The following RBM20 variants were observed in gnomAD, a reference collection of about 807,000 sequenced individuals.
The protein encoded by RBM20 is RNA-binding protein 20.
RBM20 carries 51 observed loss-of-function variants against 110.1 expected under a neutral mutation model. The observed-to-expected ratio is 0.46, with a 90% CI of 0.37 to 0.59. The LOEUF is 0.59. Ranked by LOEUF, RBM20 falls within the 20% of genes least tolerant of loss-of-function variation. RBM20 has a pLI of 0.00. For missense variants in RBM20, 1,512 were observed against 1,574.9 expected (o/e 0.96, Z 0.68); for synonymous variants, 589 against 618.2 (o/e 0.95, Z 0.70).
At chr10:110,830,989 G>A in intron 12 of RBM20, 72 bp from the exon 13 acceptor site, 1 of 1,442,098 alleles carries the variant, frequency 6.9e-7, no homozygotes, top group Non-Finnish European at 9.3e-7. Context: ...TCTACCTGAT[G>A]GCTGCCAGGA....
intron 5 of RBM20, among the ~76,000 whole-genome samples, chr10:110,786,318 C>T (rs1299395080): frequency 6.6e-6 from 1 of 152,248 alleles, no homozygotes; most frequent in Non-Finnish European, 1.5e-5. Context: ...AACACAAGCT[C>T]ACAAGAGCAT....
At chr10:110,831,290 C>G in intron 13 of RBM20, 108 bp downstream of exon 13, 1 of 1,176,398 alleles carries the variant, frequency 8.5e-7, no homozygotes, top group Non-Finnish European at 1.2e-6. Context: ...CTAGCTCCTA[C>G]CTGCAAGGCC....
At chr10:110,648,998 G>A (rs1026185680) in intron 1 of RBM20, among the ~76,000 whole-genome samples, 13 of 152,052 alleles carry the variant, frequency 8.5e-5, no homozygotes, top group African/African-American at 2.7e-4. Flanking sequence ...AGAAGAAGAA[G>A]AAGAATTTGA....
At position 110,821,881 on chromosome 10, in the gene RBM20, C is replaced by G. The variant is rs969716149; in HGVS notation, c.3262C>G (p.Pro1088Ala). 32 of 1,551,590 alleles carry G rather than the reference C, an allele frequency of 2.1e-5. No individual in the cohort carries two copies. The highest frequency in any genetic ancestry group is 1.7e-4 in the Middle Eastern group (1 of 6,014). ...CAGCCCCCTGGAGGAGAAAGCCAGC[C>G]CCCCCATCGAAACTGACCTCCAAAA... ...EGSPLEEKAS[P>A]PIETDLQNQA... Residue 1088 changes from proline (P) to alanine (A), a missense_variant, in exon 11 of 14, where the codon CCC becomes GCC. Transcript: ENST00000369519.
intron 1 of RBM20, among the ~76,000 whole-genome samples, chr10:110,721,951 C>T (rs1273774622): frequency 2.0e-5 from 3 of 152,100 alleles, no homozygotes; most frequent in African/African-American, 7.2e-5. Context: ...AGATTTATCT[C>T]CTCTCCCAGT....
rs557663278 is a variant in RBM20 at position 110,653,619 on chromosome 10, CAAT to C, written c.191+8975_191+8977del. 6.4e-3 allele frequency among the ~76,000 whole-genome samples: 967 copies of C among 151,786 alleles called. 7 individuals are homozygous for C. Among genetic ancestry groups the C allele is most frequent in the African/African-American group, 0.021 (875 of 41,348 alleles). On this transcript the variant is annotated intron_variant, in intron 1 of 13. Transcript: ENST00000369519. ...GTCACTGAGGCTGGAGTACAGGGTGCAATCACAGCTCACTGCAGCCTTGACCTC... is the reference window on the plus strand; with the variant it reads ...GTCACTGAGGCTGGAGTACAGGGTGCCACAGCTCACTGCAGCCTTGACCTC...
At chr10:110,669,110 C>T (rs1862222905) in intron 1 of RBM20, among the ~76,000 whole-genome samples, 2 of 152,096 alleles carry the variant, frequency 1.3e-5, no homozygotes, top group Non-Finnish European at 2.9e-5. Context: ...GAAAATCTTC[C>T]TTCGTTTTTT....
At chr10:110,800,067 C>A in intron 7 of RBM20, 149 bp downstream of exon 7, 1 of 768,970 alleles carries the variant, frequency 1.3e-6, no homozygotes, top group Non-Finnish European at 2.1e-6. Context: ...TCGAGGCAAA[C>A]CATTGCAGCA....
intron 5 of RBM20, among the ~76,000 whole-genome samples, chr10:110,786,210 G>T (rs1844416939): frequency 1.3e-5 from 2 of 152,232 alleles, no homozygotes; most frequent in South Asian, 4.1e-4. Flanking sequence ...GCATTTGTCT[G>T]AACCCTGCTG....
Position 110,797,576 on chromosome 10 carries a change from G to A in RBM20, c.1596G>A (p.Glu532=). Residue 532 remains glutamate, a synonymous_variant, in exon 6 of 14, where the codon GAG becomes GAA. Transcript: ENST00000369519. ...ATCTCCCTGAAGGAAGCTGCACTGAGAATGACGTCATTAACCTGGGGCTGC... is the reference window on the plus strand; with the variant it reads ...ATCTCCCTGAAGGAAGCTGCACTGAAAATGACGTCATTAACCTGGGGCTGC... The part of the protein sequence containing the change: ...ICNLPEGSCT[E]NDVINLGLPF... The A allele has an allele frequency of 1.3e-6, 2 of 1,551,696 alleles. No homozygotes were observed. The highest frequency in any genetic ancestry group is 8.7e-7 in the Non-Finnish European group (1 of 1,146,972).
chr10:110,765,318 T>A (rs1239243983), intron 1 of RBM20, among the ~76,000 whole-genome samples: 1 of 151,820 alleles, frequency 6.6e-6, no homozygotes, highest in African/African-American at 2.4e-5. Context: ...GTTTGAAACA[T>A]CTCGTATGTG....
In RBM20 at chr10:110,839,090, A is replaced by G. The variant is rs908949462; in HGVS notation, c.*3112A>G. The G allele has an allele frequency of 6.6e-6, 1 of 152,238 alleles. No homozygotes were observed. The highest frequency in any genetic ancestry group is 2.4e-5 in the African/African-American group (1 of 41,468). The allele number at this position is 152,238 out of a possible 1,614,324, so 9.4% of individuals were successfully genotyped here. A position where few individuals can be genotyped will look rare whatever the true frequency, so the allele number is the denominator to read the frequency against. ...ACAGATTCATATTTACCCTGGGTTAATACAACAAAAGGCCTGTATAATTGT... is the reference window on the plus strand; with the variant it reads ...ACAGATTCATATTTACCCTGGGTTAGTACAACAAAAGGCCTGTATAATTGT... On this transcript the variant is annotated 3_prime_UTR_variant, in exon 14 of 14. Transcript: ENST00000369519.
chr10:110,828,833 TTTTG>T (rs1019044553), intron 12 of RBM20, among the ~76,000 whole-genome samples: 9 of 151,370 alleles, frequency 5.9e-5, no homozygotes, highest in East Asian at 1.9e-4. Context: ...GCTTTTTGTT[TTTTG>T]TTTGTTTGTT....
chr10:110,660,411 A>T (rs1433636383), intron 1 of RBM20, among the ~76,000 whole-genome samples: 1 of 152,128 alleles, frequency 6.6e-6, no homozygotes, highest in Non-Finnish European at 1.5e-5. Flanking sequence ...TAGCATAAGG[A>T]TCCCCAACCC....
intron 1 of RBM20, among the ~76,000 whole-genome samples, chr10:110,759,378 G>A (rs1027858761): frequency 1.3e-5 from 2 of 152,184 alleles, no homozygotes; most frequent in Non-Finnish European, 2.9e-5. Flanking sequence ...TGGTTTTAAA[G>A]AGAAATCGCT....
chr10:110,715,089 A>C lies in RBM20; in HGVS notation c.192-65712A>C, dbSNP rs1862995543. ...ATGGTGAAACCCCAACTCTACTAAA[A>C]ATACAAAAATTAGCTGGGCATGATG... On this transcript the variant is annotated intron_variant, in intron 1 of 13. Coordinates refer to ENST00000369519, the MANE Select transcript of RBM20 (RefSeq NM_001134363.3). Among the ~76,000 whole-genome samples the C allele has an allele frequency of 3.9e-5, 6 of 152,144 alleles. No homozygotes were observed. The South Asian group carries it at 1.0e-3, about 26-fold the overall frequency.
intron 1 of RBM20, among the ~76,000 whole-genome samples, chr10:110,751,053 C>T (rs566536957): frequency 2.0e-5 from 3 of 152,214 alleles, no homozygotes; most frequent in African/African-American, 7.2e-5. Context: ...AGAGAGAGGG[C>T]TTTGAAGGTA....
chr10:110,793,067 A>G (rs543214786), intron 5 of RBM20, among the ~76,000 whole-genome samples: 2 of 152,190 alleles, frequency 1.3e-5, no homozygotes, highest in African/African-American at 4.8e-5. Context: ...CCACATAAGC[A>G]TATATATTTT....
At chr10:110,737,900 A>G (rs1839813025) in intron 1 of RBM20, among the ~76,000 whole-genome samples, 1 of 152,102 alleles carries the variant, frequency 6.6e-6, no homozygotes, top group African/African-American at 2.4e-5. Flanking sequence ...ATATGTACAC[A>G]TTTCTGCCAG....
Sources: allele counts gnomAD v4.1 joint callset (sites outside exome capture counted in the v4.1 genomes callset), GRCh38; gene constraint gnomAD v4.1.1; transcripts MANE v1.5; gene names NCBI Gene and HGNC (gene_info 2026-07-23, HGNC 2026-07-21).